The following ASIC2 variants were observed in gnomAD, a reference collection of about 807,000 sequenced individuals.
The protein encoded by ASIC2 is acid-sensing ion channel 2.
ASIC2 carries 25 observed loss-of-function variants against 57.3 expected under a neutral mutation model. That is an observed-to-expected ratio of 0.44 (90% CI 0.32 to 0.61). The LOEUF is 0.61. ASIC2 is among the 20% of genes least tolerant of loss of function. The pLI is 0.06. For synonymous variants in ASIC2, 319 were observed against 307.5 expected (o/e 1.04, Z -0.39); for missense variants, 641 against 738.1 (o/e 0.87, Z 1.52).
chr17:33,057,239 C>T lies in ASIC2; in HGVS notation c.988-28847G>A, dbSNP rs149167719. Among the ~76,000 whole-genome samples, 862 of 152,236 alleles carry T rather than the reference C, an allele frequency of 5.7e-3. 12 individuals carry two copies. The highest frequency in any genetic ancestry group is 0.02 in the African/African-American group (818 of 41,532). Reference sequence around the variant, plus strand: ...TCCAGGAATGCATTTAACCTGCTTCCCGGCTGCCTCTAACACACACTGGAG... The same window carrying T: ...TCCAGGAATGCATTTAACCTGCTTCTCGGCTGCCTCTAACACACACTGGAG... On this transcript the variant is annotated intron_variant, in intron 3 of 9. Coordinates refer to ENST00000225823, the MANE Select transcript of ASIC2 (RefSeq NM_183377.2).
chr17:33,736,477 GTCTC>G (rs1909914420), intron 1 of ASIC2, among the ~76,000 whole-genome samples: 1 of 152,142 alleles, frequency 6.6e-6, no homozygotes, highest in Non-Finnish European at 1.5e-5. Context: ...CTGCCTCAGT[GTCTC>G]CCGCCAGCCT....
intron 1 of ASIC2, among the ~76,000 whole-genome samples, chr17:33,525,265 C>T (rs907707071): frequency 5.3e-5 from 8 of 152,164 alleles, no homozygotes; most frequent in African/African-American, 1.4e-4. Context: ...CTGAGTAGGG[C>T]GGACACGAGA....
At chr17:33,459,577 G>T (rs1427398798) in intron 1 of ASIC2, among the ~76,000 whole-genome samples, 1 of 152,236 alleles carries the variant, frequency 6.6e-6, no homozygotes, top group Non-Finnish European at 1.5e-5. Flanking sequence ...GGCAAAGAGA[G>T]ATAAAAGGAT....
intron 1 of ASIC2, among the ~76,000 whole-genome samples, chr17:33,799,361 T>TCTTTCTTTCTTC (rs1491181531): frequency 1.0e-4 from 13 of 128,430 alleles, no homozygotes; most frequent in African/African-American, 4.0e-4. Context: ...TCTCTTTCTT[T>TCTTTCTTTCTTC]CTTTCTTTCT....
intron 1 of ASIC2, among the ~76,000 whole-genome samples, chr17:34,068,504 A>G (rs1909258975): frequency 6.6e-6 from 1 of 152,174 alleles, no homozygotes; most frequent in South Asian, 2.1e-4. Flanking sequence ...ATGGATTCCA[A>G]TCCCACCTCT....
chr17:33,106,751 A>AT (rs889352466), intron 2 of ASIC2, among the ~76,000 whole-genome samples: 15 of 149,844 alleles, frequency 1.0e-4, no homozygotes, highest in African/African-American at 2.5e-4. Context: ...CCTTCCCTGT[A>AT]TTTTTTTTTT....
chr17:34,058,113 A>G (rs1357576283), intron 1 of ASIC2, among the ~76,000 whole-genome samples: 2 of 152,242 alleles, frequency 1.3e-5, no homozygotes, highest in African/African-American at 4.8e-5. Flanking sequence ...CCTGAAAATT[A>G]CATATTTCTA....
chr17:33,590,080 T>G (rs1402861804), intron 1 of ASIC2, among the ~76,000 whole-genome samples: 3 of 152,232 alleles, frequency 2.0e-5, no homozygotes, highest in African/African-American at 7.2e-5. Context: ...AACCACCAGC[T>G]CAGTTCCTGG....
At chr17:33,518,800 C>T (rs1342098084) in intron 1 of ASIC2, among the ~76,000 whole-genome samples, 1 of 152,014 alleles carries the variant, frequency 6.6e-6, no homozygotes, top group African/African-American at 2.4e-5. Context: ...GATTTAATCC[C>T]ACAGTGGCCC....
intron 1 of ASIC2, among the ~76,000 whole-genome samples, chr17:33,230,080 C>T (rs952249722): frequency 4.6e-5 from 7 of 152,144 alleles, no homozygotes; most frequent in Non-Finnish European, 1.0e-4. Context: ...CAGGTGAGAC[C>T]CCTGCTGTTT....
chr17:33,154,702 G>A (rs1212602894), intron 1 of ASIC2, among the ~76,000 whole-genome samples: 1 of 152,172 alleles, frequency 6.6e-6, no homozygotes, highest in Non-Finnish European at 1.5e-5. Flanking sequence ...GGTAACTAAG[G>A]AGGCAGAGAA....
chr17:33,714,946 C>T (rs7213310), intron 1 of ASIC2, among the ~76,000 whole-genome samples: 52,095 of 149,782 alleles, frequency 0.35, 10,661 homozygotes, highest in African/African-American at 0.58. Flanking sequence ...GCCTCCTGAG[C>T]AGCTGGGACT....
intron 1 of ASIC2, among the ~76,000 whole-genome samples, chr17:33,462,595 C>A (rs935214294): frequency 6.6e-6 from 1 of 152,240 alleles, no homozygotes; most frequent in Non-Finnish European, 1.5e-5. Flanking sequence ...CACTTTGTAA[C>A]AGCAGCTTAA....
chr17:33,504,273 C>A (rs891086157), intron 1 of ASIC2, among the ~76,000 whole-genome samples: 7 of 152,220 alleles, frequency 4.6e-5, no homozygotes, highest in Non-Finnish European at 7.3e-5. Flanking sequence ...ACCATCCTGA[C>A]TGTCAGATTG....
intron 1 of ASIC2, among the ~76,000 whole-genome samples, chr17:33,316,459 T>C (rs1377020949): frequency 6.6e-6 from 1 of 152,214 alleles, no homozygotes; most frequent in Non-Finnish European, 1.5e-5. Flanking sequence ...GGCTAATTTT[T>C]GTATTTTTAG....
At chr17:33,408,055 T>C (rs1910529224) in intron 1 of ASIC2, among the ~76,000 whole-genome samples, 1 of 152,112 alleles carries the variant, frequency 6.6e-6, no homozygotes, top group Non-Finnish European at 1.5e-5. Flanking sequence ...AGAAGAAGTG[T>C]GCCACATGTA....
intron 1 of ASIC2, among the ~76,000 whole-genome samples, chr17:33,823,279 TC>T (rs1183104607): frequency 6.6e-6 from 1 of 152,180 alleles, no homozygotes; most frequent in African/African-American, 2.4e-5. Flanking sequence ...CCCATTTCCA[TC>T]CCACTGTGTC....
Position 33,291,834 on chromosome 17 carries a change from A to G in ASIC2, c.282T>C (p.Cys94=), listed in dbSNP as rs1905470801. 6.2e-7 allele frequency: 1 copy of G among 1,611,104 alleles called. No individual in the cohort carries two copies. Among genetic ancestry groups the G allele is most frequent in the Non-Finnish European group, 8.5e-7 (1 of 1,179,620 alleles). ...QRRALWVLAF[C]TSFGLLLSWS... is the part of the protein sequence containing the mutation. The stretch of plus-strand genomic sequence containing the variant: ...AGGACAGCAGCAAGCCGAAGGATGT[A>G]CAGAAGGCCAGCACCCACAGCGCCC... Residue 94 remains cysteine, a synonymous_variant, in exon 1 of 10, where the codon TGT becomes TGC. Coordinates refer to ENST00000225823, the MANE Select transcript of ASIC2 (RefSeq NM_183377.2).
chr17:33,911,367 A>T (rs919109393), intron 1 of ASIC2, among the ~76,000 whole-genome samples: 2 of 152,192 alleles, frequency 1.3e-5, no homozygotes, highest in Non-Finnish European at 2.9e-5. Context: ...GGGCCATGGT[A>T]GCTCAGTCCC....
Sources: allele counts gnomAD v4.1 joint callset (sites outside exome capture counted in the v4.1 genomes callset), GRCh38; gene constraint gnomAD v4.1.1; transcripts MANE v1.5; gene names NCBI Gene and HGNC (gene_info 2026-07-23, HGNC 2026-07-21).